MYRIP: variants seen among roughly 807,000 people sequenced by gnomAD.
The protein encoded by MYRIP is rab effector MyRIP.
MYRIP carries 49 observed loss-of-function variants against 98.0 expected under a neutral mutation model. The observed-to-expected ratio is 0.50, with a 90% CI of 0.40 to 0.63. MYRIP has a LOEUF of 0.63. MYRIP is among the 30% of genes least tolerant of loss of function. The probability of loss-of-function intolerance (pLI) is 0.00; values close to 1 mark genes in which losing one functional copy is unlikely to be tolerated. For synonymous variants in MYRIP, 404 were observed against 409.5 expected (o/e 0.99, Z 0.16); for missense variants, 1,004 against 1,058.2 (o/e 0.95, Z 0.71).
chr3:40,173,837 T>C (rs1950684722), intron 8 of MYRIP: 1 of 152,276 alleles, frequency 6.6e-6, no homozygotes, highest in African/African-American at 2.4e-5. Context: ...GAAAAAAATC[T>C]GTCTTGCCAA....
At chr3:39,954,753 C>CTTTTA (rs1945112692) in intron 2 of MYRIP, among the ~76,000 whole-genome samples, 1 of 151,998 alleles carries the variant, frequency 6.6e-6, no homozygotes, top group African/African-American at 2.4e-5. Context: ...TCAAACCCAT[C>CTTTTA]GCAAAGAAGC....
intron 10 of MYRIP, among the ~76,000 whole-genome samples, chr3:40,195,642 A>T (rs1951366862): frequency 6.6e-6 from 1 of 152,040 alleles, no homozygotes; most frequent in African/African-American, 2.4e-5. Flanking sequence ...ACATTAATAG[A>T]TTTCTCAATT....
intron 8 of MYRIP, among the ~76,000 whole-genome samples, chr3:40,172,708 T>G (rs1334700961): frequency 6.6e-6 from 1 of 152,128 alleles, no homozygotes; most frequent in African/African-American, 2.4e-5. Flanking sequence ...CTGCTCCAAT[T>G]CCCAGACCAC....
At chr3:40,154,244 C>T (rs1950173749) in intron 4 of MYRIP, among the ~76,000 whole-genome samples, 1 of 152,200 alleles carries the variant, frequency 6.6e-6, no homozygotes, top group Non-Finnish European at 1.5e-5. Context: ...GCAGTGCTCC[C>T]AAGCGAACCT....
intron 10 of MYRIP, among the ~76,000 whole-genome samples, chr3:40,208,056 CTATT>C (rs1951831110): frequency 6.6e-6 from 1 of 152,072 alleles, no homozygotes; most frequent in Admixed American, 6.5e-5. Context: ...TTTCATTATT[CTATT>C]TATTTTTTCA....
chr3:40,024,805 A>G (rs1413638178), intron 2 of MYRIP, among the ~76,000 whole-genome samples: 2 of 151,988 alleles, frequency 1.3e-5, no homozygotes, highest in African/African-American at 4.8e-5. Context: ...CTCTCTGGCT[A>G]TTGGCCAAAT....
At chr3:40,038,563 A>G (rs1947435333) in intron 2 of MYRIP, among the ~76,000 whole-genome samples, 1 of 152,184 alleles carries the variant, frequency 6.6e-6, no homozygotes, top group Non-Finnish European at 1.5e-5. Flanking sequence ...GGACATAATG[A>G]CAGAGGTAGC....
intron 13 of MYRIP, among the ~76,000 whole-genome samples, chr3:40,247,557 T>C (rs914242942): frequency 4.6e-5 from 7 of 152,174 alleles, no homozygotes; most frequent in Admixed American, 3.3e-4. Flanking sequence ...AGAGTCTCAC[T>C]CTGTCGCCCA....
At chr3:40,154,675 A>T (rs540030150) in intron 4 of MYRIP, among the ~76,000 whole-genome samples, 1 of 152,090 alleles carries the variant, frequency 6.6e-6, no homozygotes, top group Non-Finnish European at 1.5e-5. Flanking sequence ...CCCCACATGT[A>T]TTAGCTATTT....
rs997607397 is a variant in MYRIP at position 40,258,568 on chromosome 3, G to A, written c.*402G>A. 22 of 199,058 alleles carry A rather than the reference G, an allele frequency of 1.1e-4. No homozygotes were observed. The highest frequency in any genetic ancestry group is 2.1e-4 in the Non-Finnish European group (20 of 95,078). 12.3% of individuals were successfully genotyped at this position (199,058 alleles called of 1,614,324 possible). A position where few individuals can be genotyped will look rare whatever the true frequency, so the allele number is the denominator to read the frequency against. On this transcript the variant is annotated 3_prime_UTR_variant, in exon 17 of 17. Transcript: ENST00000302541. ...CAAAGGAAAACTGCTGGAGGGAGGTGGAGGGAGGAAGGTGGGAATTATTAT... is the reference window on the plus strand; with the variant it reads ...CAAAGGAAAACTGCTGGAGGGAGGTAGAGGGAGGAAGGTGGGAATTATTAT...
chr3:40,210,699 G>A (rs990871817), intron 11 of MYRIP, among the ~76,000 whole-genome samples: 3 of 152,030 alleles, frequency 2.0e-5, no homozygotes, highest in Non-Finnish European at 2.9e-5. Context: ...AGCCCTAACC[G>A]CTTGATTTTC....
At chr3:40,243,762 T>C (rs1419661562) in intron 12 of MYRIP, among the ~76,000 whole-genome samples, 1 of 152,214 alleles carries the variant, frequency 6.6e-6, no homozygotes, top group Admixed American at 6.5e-5. Context: ...AATAACCTTA[T>C]AAACCTGTAA....
intron 1 of MYRIP, among the ~76,000 whole-genome samples, chr3:39,833,356 A>G (rs957943868): frequency 6.6e-6 from 1 of 152,178 alleles, no homozygotes; most frequent in Non-Finnish European, 1.5e-5. Flanking sequence ...TCACAAAAGA[A>G]TGAGAGGGGT....
At chr3:40,071,542 T>A (rs1418784244) in intron 3 of MYRIP, among the ~76,000 whole-genome samples, 1 of 149,790 alleles carries the variant, frequency 6.7e-6, no homozygotes, top group Non-Finnish European at 1.5e-5. Context: ...AATTGATGAT[T>A]GGGGCACAAG....
chr3:40,146,978 A>G (rs1490335961), intron 3 of MYRIP, among the ~76,000 whole-genome samples: 2 of 152,222 alleles, frequency 1.3e-5, no homozygotes, highest in African/African-American at 4.8e-5. Flanking sequence ...TGGTTAAAAT[A>G]AATTCAGACA....
chr3:40,249,497 A>AAAC (rs1383503661), intron 13 of MYRIP, among the ~76,000 whole-genome samples: 2 of 152,162 alleles, frequency 1.3e-5, no homozygotes, highest in Non-Finnish European at 1.5e-5. Context: ...GAATTATTTA[A>AAAC]AACACTTAGC....
intron 3 of MYRIP, among the ~76,000 whole-genome samples, chr3:40,119,263 A>C (rs1010564857): frequency 7.2e-5 from 11 of 152,030 alleles, no homozygotes; most frequent in Middle Eastern, 3.2e-3. Flanking sequence ...CTTTTTAATG[A>C]TTGCCATTCT....
At chr3:40,245,746 G>GCTTT (rs1261813606) in intron 13 of MYRIP, among the ~76,000 whole-genome samples, 1 of 42,956 alleles carries the variant, frequency 2.3e-5, no homozygotes, top group Non-Finnish European at 3.3e-5. Context: ...CTGGTTTGCT[G>GCTTT]ATTTTTTTTT....
intron 4 of MYRIP, among the ~76,000 whole-genome samples, chr3:40,162,375 T>A (rs562889679): frequency 6.6e-6 from 1 of 152,286 alleles, no homozygotes; most frequent in Non-Finnish European, 1.5e-5. Flanking sequence ...AAATTCCAGA[T>A]GCAGCCATGC....
Sources: gnomAD v4.1 joint callset for allele counts (sites outside exome capture counted in the v4.1 genomes callset) on GRCh38, gnomAD v4.1.1 for gene constraint, MANE v1.5 for transcripts, NCBI Gene and HGNC (gene_info 2026-07-23, HGNC 2026-07-21) for gene names.